Variants in AGAP5 observed in about 807,000 individuals in gnomAD.
The protein encoded by AGAP5 is ArfGAP with GTPase domain, ankyrin repeat and PH domain 5.
In AGAP5, 8 loss-of-function variants were observed where a neutral mutation model predicts 27.7. That is an observed-to-expected ratio of 0.29 (90% CI 0.17 to 0.52). The LOEUF is 0.52. Ranked by LOEUF, AGAP5 falls within the 20% of genes least tolerant of loss-of-function variation. The pLI, the probability that AGAP5 is intolerant of heterozygous loss-of-function variation, is 0.97. For missense variants in AGAP5, 285 were observed against 880.8 expected (o/e 0.32, Z 8.56); for synonymous variants, 111 against 338.0 (o/e 0.33, Z 7.37).
intron 7 of AGAP5, among the ~76,000 whole-genome samples, chr10:73,676,291 C>CAAAAAAAAAAAAA (rs371426814): frequency 1.4e-5 from 1 of 71,800 alleles, no homozygotes; most frequent in Non-Finnish European, 2.9e-5. Context: ...CCTGTCTTTA[C>CAAAAAAAAAAAAA]AAAAAAAAAA....
At position 73,692,092 on chromosome 10, in the gene AGAP5, A is replaced by G; in HGVS notation, c.362-15T>C. 3 of 1,539,754 alleles carry G rather than the reference A, an allele frequency of 1.9e-6. No homozygotes were observed. The highest frequency in any genetic ancestry group is 2.6e-6 in the Non-Finnish European group (3 of 1,144,262). On this transcript the variant is annotated splice_polypyrimidine_tract_variant and intron_variant, in intron 3 of 7. Coordinates refer to ENST00000374094, the MANE Select transcript of AGAP5 (RefSeq NM_001144000.4). ...TATTTCTACAACTAAGAATAAAAAAAAAAACTGGTCACTTCTGATACAAAT... is the reference window on the plus strand; with the variant it reads ...TATTTCTACAACTAAGAATAAAAAAGAAAACTGGTCACTTCTGATACAAAT...
Position 73,697,313 on chromosome 10 carries a change from G to A in AGAP5, c.224-150C>T, listed in dbSNP as rs954478347. ...AATGAGATGAGAGAGCAAGAACTGG[G>A]CGATTGGGAGGGGAGGCGAAAAGAA... On this transcript the variant is annotated intron_variant, in intron 1 of 7. Coordinates refer to ENST00000374094, the MANE Select transcript of AGAP5 (RefSeq NM_001144000.4). 9 of 1,453,240 alleles carry A rather than the reference G, an allele frequency of 6.2e-6. No homozygotes were observed. In the African/African-American group the frequency reaches 9.9e-5, roughly 16 times the overall value. The allele number at this position is 1,453,240 out of a possible 1,614,324, so 90.0% of individuals were successfully genotyped here.
intron 4 of AGAP5, among the ~76,000 whole-genome samples, chr10:73,689,723 T>C (rs1334870888): frequency 6.9e-6 from 1 of 144,362 alleles, no homozygotes; most frequent in Non-Finnish European, 1.5e-5. Context: ...AACCGCCCCG[T>C]CTGAGAAGTG....
chr10:73,682,033 T>A, intron 5 of AGAP5: 1 of 984,026 alleles, frequency 1.0e-6, no homozygotes, highest in Non-Finnish European at 1.2e-6. Flanking sequence ...GTTTATAAGC[T>A]AGTTATGTTT....
chr10:73,689,236 G>A (rs1210420878), intron 4 of AGAP5, among the ~76,000 whole-genome samples: 1 of 152,260 alleles, frequency 6.6e-6, no homozygotes, highest in African/African-American at 2.4e-5. Flanking sequence ...TGATCCGCCA[G>A]CCTCGGCCTC....
chr10:73,689,557 G>C (rs1359595653), intron 4 of AGAP5, among the ~76,000 whole-genome samples: 2 of 150,384 alleles, frequency 1.3e-5, no homozygotes, highest in African/African-American at 2.5e-5. Context: ...GCCTCTTCCC[G>C]GCCGCCATCC....
chr10:73,692,799 T>A (rs1345127740), intron 3 of AGAP5, among the ~76,000 whole-genome samples: 1 of 151,832 alleles, frequency 6.6e-6, no homozygotes, highest in Non-Finnish European at 1.5e-5. Context: ...CGTGCCACCA[T>A]GCCTAGCTAA....
intron 5 of AGAP5, among the ~76,000 whole-genome samples, chr10:73,680,503 C>T (rs1301450952): frequency 4.9e-5 from 6 of 123,194 alleles, no homozygotes; most frequent in Non-Finnish European, 8.5e-5. Flanking sequence ...TCACAACCTC[C>T]ACCACCCAGG....
At chr10:73,686,721 A>C (rs2082067039) in intron 4 of AGAP5, among the ~76,000 whole-genome samples, 1 of 152,234 alleles carries the variant, frequency 6.6e-6, no homozygotes, top group African/African-American at 2.4e-5. Context: ...AACCAGCCCA[A>C]ATGCCCATCA....
Position 73,675,462 on chromosome 10 carries a change from T to G in AGAP5, c.1198A>C (p.Lys400Gln), listed in dbSNP as rs200899801. 69 of 1,613,708 alleles carry G rather than the reference T, an allele frequency of 4.3e-5. No individual in the cohort carries two copies. The highest frequency in any genetic ancestry group is 5.6e-5 in the Non-Finnish European group (66 of 1,179,888). ...GTGCTTTTCTTCTTTAGGTGTTTCT[T>G]TTTATTGGCATGAGGAGAGGGGGGC... ...NPPPSPHANK[K>Q]KHLKKKSTNN... The change falls in exon 8 of 8, where the codon AAG becomes CAG. Residue 400 changes from lysine (K) to glutamine (Q), a missense_variant. By Grantham distance (53) the Lys-to-Gln change is moderately conservative. Coordinates refer to ENST00000374094, the MANE Select transcript of AGAP5 (RefSeq NM_001144000.4).
At chr10:73,695,720 A>C (rs1209831239) in intron 2 of AGAP5, among the ~76,000 whole-genome samples, 5 of 152,178 alleles carry the variant, frequency 3.3e-5, no homozygotes, top group African/African-American at 1.2e-4. Flanking sequence ...TAAGAGCCCA[A>C]CCAAAGTTTA....
intron 5 of AGAP5, chr10:73,681,527 C>T (rs2082024963): frequency 1.1e-6 from 1 of 950,610 alleles, no homozygotes; most frequent in Non-Finnish European, 1.3e-6. Flanking sequence ...TTAATTTGTT[C>T]AATAACTTTA....
Position 73,697,733 on chromosome 10 carries a change from C to T in AGAP5, c.23G>A (p.Cys8Tyr). The T allele has an allele frequency of 6.3e-7, 1 of 1,597,820 alleles. No homozygotes were observed. Among genetic ancestry groups the T allele is most frequent in the Non-Finnish European group, 8.5e-7 (1 of 1,179,792 alleles). Reference sequence around the variant, plus strand: ...CTCGAGGCTGACGCTAGGGTGCACACAACAGGTCAGTATGTTCCCCATGGG... The same window carrying T: ...CTCGAGGCTGACGCTAGGGTGCACATAACAGGTCAGTATGTTCCCCATGGG... The part of the protein sequence containing the change: MGNILTC[C>Y]VHPSVSLEFD... Residue 8 changes from cysteine to tyrosine, a missense_variant, in exon 1 of 8, where the codon TGT becomes TAT. Physicochemically the swap from Cys to Tyr is radical, Grantham distance 194. Transcript: ENST00000374094.
chr10:73,674,681 G>C lies in AGAP5; in HGVS notation c.1979C>G (p.Ala660Gly), dbSNP rs3901391. ...VMARDAHGNT[A>G]LTYARQASSQ... ...GGAGGCCTGCCGGGCGTAGGTCAGC[G>C]CTGTGTTCCCGTGGGCATCTCGGGC... The change falls in exon 8 of 8, where the codon GCG becomes GGG. Residue 660 changes from alanine (A) to glycine (G), a missense_variant. By Grantham distance (60) the Ala-to-Gly change is moderately conservative (BLOSUM62 0). Transcript: ENST00000374094. 1 of 1,611,944 alleles carries C rather than the reference G, an allele frequency of 6.2e-7. No homozygotes were observed. The highest frequency in any genetic ancestry group is 2.2e-5 in the East Asian group (1 of 44,882).
At chr10:73,690,246 C>T in intron 4 of AGAP5, among the ~76,000 whole-genome samples, 1 of 152,188 alleles carries the variant, frequency 6.6e-6, no homozygotes. Flanking sequence ...GGAGACTTTT[C>T]ATTTTGTTCT....
chr10:73,688,438 G>T (rs906120135), intron 4 of AGAP5, among the ~76,000 whole-genome samples: 1 of 151,592 alleles, frequency 6.6e-6, no homozygotes, highest in African/African-American at 2.4e-5. Flanking sequence ...ACATTGGAGG[G>T]AAGCCTCCAA....
chr10:73,686,896 G>A (rs1190310254), intron 4 of AGAP5, among the ~76,000 whole-genome samples: 1 of 152,144 alleles, frequency 6.6e-6, no homozygotes, highest in South Asian at 2.1e-4. Context: ...CAAATATCAT[G>A]TTCTCTTTCA....
chr10:73,678,122 T>C (rs1252064432), intron 6 of AGAP5, among the ~76,000 whole-genome samples: 3 of 151,902 alleles, frequency 2.0e-5, no homozygotes, highest in African/African-American at 7.2e-5. Context: ...GCGCAGTGGC[T>C]CACGCCTGTA....
intron 3 of AGAP5, among the ~76,000 whole-genome samples, chr10:73,692,306 G>C (rs1318391505): frequency 6.6e-6 from 1 of 151,922 alleles, no homozygotes; most frequent in Admixed American, 6.6e-5. Flanking sequence ...ACATACAAAT[G>C]AAAGAATCCT....
Sources: gnomAD v4.1 joint callset for allele counts (sites outside exome capture counted in the v4.1 genomes callset) on GRCh38, gnomAD v4.1.1 for gene constraint, MANE v1.5 for transcripts, NCBI Gene and HGNC (gene_info 2026-07-23, HGNC 2026-07-21) for gene names.